Variants in EPG5 observed in about 807,000 individuals in gnomAD.
The protein encoded by EPG5 is ectopic P granules protein 5 homolog.
In EPG5, 159 loss-of-function variants were observed where a neutral mutation model predicts 302.7. The observed-to-expected ratio is 0.53, with a 90% CI of 0.46 to 0.60. The LOEUF (loss-of-function observed/expected upper bound fraction) is 0.60. Ranked by LOEUF, EPG5 falls within the 20% of genes least tolerant of loss-of-function variation. The pLI is 0.00. For synonymous variants in EPG5, 1,158 were observed against 1,136.8 expected (o/e 1.02, Z -0.37); for missense variants, 2,896 against 3,092.4 (o/e 0.94, Z 1.51).
At position 45,912,381 on chromosome 18, in the gene EPG5, C is replaced by A. The variant is rs370279838; in HGVS notation, c.3892G>T (p.Ala1298Ser). ...RLLIYRWAHQALVTPSDHPLL... is the reference protein window; with the variant it reads ...RLLIYRWAHQSLVTPSDHPLL... ...GGGTGATCAGAAGGTGTGACCAGAGCCTGGTGGGCCCAGCGATAAATCAGC... is the reference window on the plus strand; with the variant it reads ...GGGTGATCAGAAGGTGTGACCAGAGACTGGTGGGCCCAGCGATAAATCAGC... The change falls in exon 22 of 44, where the codon GCT becomes TCT. Residue 1298 changes from alanine to serine, a missense_variant. Around this residue, in one of 5 missense-constraint regions of EPG5, gnomAD observed 790 missense variants for 798.0 expected, o/e 0.99. Coordinates refer to ENST00000282041, the MANE Select transcript of EPG5 (RefSeq NM_020964.3). 2.5e-6 allele frequency: 4 copies of A among 1,611,222 alleles called. No homozygotes were observed. The highest frequency in any genetic ancestry group is 3.4e-6 in the Non-Finnish European group (4 of 1,179,028).
chr18:45,815,807 AC>A, the EPG5 span, among the ~76,000 whole-genome samples: 1 of 152,240 alleles, frequency 6.6e-6, no homozygotes, highest in Non-Finnish European at 1.5e-5. Flanking sequence ...TTCATATAGA[AC>A]CAAAAAAGAG....
At chr18:45,841,364 G>A in the EPG5 span, among the ~76,000 whole-genome samples, 1 of 152,192 alleles carries the variant, frequency 6.6e-6, no homozygotes, top group Non-Finnish European at 1.5e-5. Flanking sequence ...AGACTCAGGT[G>A]AGGCCCAGAA....
Position 45,967,294 on chromosome 18 carries a change from GCAACCTGC to G in EPG5, c.-63_-56del. On this transcript the variant is annotated 5_prime_UTR_variant, in exon 1 of 44. Transcript: ENST00000282041. ...TTTTTGTCAAACCCCTGCGCTTCAA[GCAACCTGC>G]CCGGTTCTGGCCTCCGGACTGTCAC... 1.3e-6 allele frequency: 2 copies of G among 1,497,738 alleles called. No individual in the cohort carries two copies. Among genetic ancestry groups the G allele is most frequent in the Non-Finnish European group, 1.8e-6 (2 of 1,114,038 alleles). 92.8% of individuals were successfully genotyped at this position (1,497,738 alleles called of 1,614,324 possible). A position where few individuals can be genotyped will look rare whatever the true frequency, so the allele number is the denominator to read the frequency against.
the EPG5 span, among the ~76,000 whole-genome samples, chr18:45,811,718 A>C: frequency 3.3e-5 from 5 of 152,054 alleles, no homozygotes; most frequent in South Asian, 2.1e-4. Context: ...ATTCAACAAC[A>C]CTTCATGCTA....
chr18:45,870,044 G>A (rs984376206), intron 36 of EPG5, among the ~76,000 whole-genome samples: 5 of 151,860 alleles, frequency 3.3e-5, no homozygotes, highest in African/African-American at 4.8e-5. Context: ...GCAAAGACTC[G>A]CATGCACTCT....
chr18:45,901,070 A>G lies in EPG5; in HGVS notation c.4572T>C (p.Ser1524=), dbSNP rs747436395. ...CGTCCTTCTGACTCAATAGCACAGC[A>G]GAGGAAATAACTGGCACAGGAGGCT... is the stretch of plus-strand genomic sequence containing the variant. ...PTKPPVPVIS[S]AVLLSQKDAT... Residue 1524 remains serine (S), a synonymous_variant, in exon 26 of 44, where the codon TCT becomes TCC. Transcript: ENST00000282041. 1.4e-5 allele frequency: 22 copies of G among 1,614,110 alleles called. No homozygotes were observed.
chr18:45,906,937 T>C (rs9965728), intron 24 of EPG5, among the ~76,000 whole-genome samples: 5,701 of 152,314 alleles, frequency 0.037, 313 homozygotes, highest in African/African-American at 0.12. Context: ...ATTACAGGCG[T>C]GGGCCATGCA....
At chr18:45,867,048 A>G (rs1055102191) in intron 37 of EPG5, 41 bp from the exon 38 acceptor site, 10 of 1,493,828 alleles carry the variant, frequency 6.7e-6, no homozygotes, top group Admixed American at 1.7e-5. Context: ...CAGAGCCCCA[A>G]TTTTTCCAGA....
intron 40 of EPG5, among the ~76,000 whole-genome samples, chr18:45,859,839 C>A (rs549907460): frequency 2.6e-5 from 4 of 152,284 alleles, no homozygotes; most frequent in Admixed American, 6.5e-5. Context: ...TTGGTCTGAC[C>A]CTCCAAAACT....
chr18:45,805,692 A>G, the EPG5 span, among the ~76,000 whole-genome samples: 17 of 152,190 alleles, frequency 1.1e-4, no homozygotes, highest in African/African-American at 4.1e-4. Flanking sequence ...ATGCAAAAGT[A>G]TATGCAATGC....
chr18:45,846,982 G>A (rs77843522), downstream of EPG5, among the ~76,000 whole-genome samples: 2 of 152,214 alleles, frequency 1.3e-5, no homozygotes, highest in African/African-American at 2.4e-5. Context: ...TGCTGCACTA[G>A]AAGGAAGTGA....
In EPG5 at chr18:45,922,328, C is replaced by T. The variant is rs1438724429; in HGVS notation, c.3098+13G>A. 1.9e-6 allele frequency: 3 copies of T among 1,613,626 alleles called. No homozygotes were observed. The highest frequency in any genetic ancestry group is 2.5e-6 in the Non-Finnish European group (3 of 1,179,772). On this transcript the variant is annotated intron_variant, in intron 16 of 43. Coordinates refer to ENST00000282041, the MANE Select transcript of EPG5 (RefSeq NM_020964.3). ...AGGTTCAGTAACCCTAGTGGTTCAG[C>T]CCAACACTGTACCTGTGGCCCACAG...
At chr18:45,893,505 A>G (rs55673821) in intron 27 of EPG5, among the ~76,000 whole-genome samples, 86,441 of 150,618 alleles carry the variant, frequency 0.57, 25,252 homozygotes, top group Non-Finnish European at 0.64. Flanking sequence ...GTGAGCCAAG[A>G]TCGCACCACT....
At chr18:45,832,409 T>C in the EPG5 span, among the ~76,000 whole-genome samples, 2 of 129,172 alleles carry the variant, frequency 1.5e-5, no homozygotes, top group Non-Finnish European at 3.3e-5. Context: ...CAGGCACAGA[T>C]TGGGTGCTTG....
intron 36 of EPG5, 62 bp from the exon 37 acceptor site, chr18:45,867,810 T>C: frequency 7.1e-7 from 1 of 1,399,888 alleles, no homozygotes; most frequent in South Asian, 1.3e-5. Context: ...CTGGAAAATG[T>C]ATGTAAATTG....
intron 14 of EPG5, among the ~76,000 whole-genome samples, chr18:45,924,665 T>C (rs1599583214): frequency 6.6e-6 from 1 of 152,400 alleles, no homozygotes; most frequent in East Asian, 1.9e-4. Context: ...TGAAGATATA[T>C]GCTACATAGC....
At chr18:45,825,238 T>G in the EPG5 span, among the ~76,000 whole-genome samples, 103 of 93,622 alleles carry the variant, frequency 1.1e-3, no homozygotes, top group South Asian at 1.7e-3. Flanking sequence ...GAGGGAGGAA[T>G]AAGGGAAGGA....
At chr18:45,842,211 C>A in the EPG5 span, 1 of 1,612,262 alleles carries the variant, frequency 6.2e-7, no homozygotes, top group African/African-American at 1.3e-5. Flanking sequence ...CACCAACATC[C>A]ATTTCAGCAC....
At chr18:45,882,535 T>C (rs1568119223) in intron 30 of EPG5, 48 bp from the exon 31 acceptor site, 2 of 1,514,794 alleles carry the variant, frequency 1.3e-6, no homozygotes, top group African/African-American at 1.4e-5. Context: ...ACTAGAAAAA[T>C]AGTTTAAGAG....
Sources: allele counts gnomAD v4.1 joint callset (sites outside exome capture counted in the v4.1 genomes callset), GRCh38; gene constraint gnomAD v4.1.1; regional missense constraint gnomAD v4.1.1; transcripts MANE v1.5; gene names NCBI Gene and HGNC (gene_info 2026-07-23, HGNC 2026-07-21).